Variants in THADA observed in about 807,000 individuals in gnomAD.
THADA encodes tRNA (32-2'-O)-methyltransferase regulator THADA.
THADA carries 213 observed loss-of-function variants against 219.8 expected under a neutral mutation model. The observed-to-expected ratio is 0.97, with a 90% CI of 0.87 to 1.09. THADA has a LOEUF of 1.09. Among genes scored for constraint, THADA ranks in the 50% least tolerant of loss-of-function variants. The pLI, the probability that THADA is intolerant of heterozygous loss-of-function variation, is 0.00. For synonymous variants in THADA, 1,018 were observed against 828.9 expected (o/e 1.23, Z -3.92); for missense variants, 2,956 against 2,311.3 (o/e 1.28, Z -5.72).
intron 28 of THADA, among the ~76,000 whole-genome samples, chr2:43,410,980 C>T (rs1039340894): frequency 6.6e-6 from 1 of 152,186 alleles, no homozygotes; most frequent in African/African-American, 2.4e-5. Context: ...CATCTCAAGT[C>T]TTCTCTTCCT....
rs552746106 is a variant in THADA at position 43,397,557 on chromosome 2, C to T, written c.4227+414G>A. 5.6e-4 allele frequency among the ~76,000 whole-genome samples: 85 copies of T among 152,124 alleles called. 1 individual carries two copies. The highest frequency in any genetic ancestry group is 3.4e-3 in the Middle Eastern group (1 of 294). On this transcript the variant is annotated intron_variant, in intron 29 of 37. Transcript: ENST00000405975. The stretch of plus-strand genomic sequence containing the variant: ...GGTGCTGTGCCACAGGGCAAACTCT[C>T]CCTGATGTGTACAGCTCTTCCTGTG...
chr2:43,567,794 G>A (rs1698857797), intron 14 of THADA, among the ~76,000 whole-genome samples: 1 of 152,314 alleles, frequency 6.6e-6, no homozygotes, highest in African/African-American at 2.4e-5. Flanking sequence ...TACATACATA[G>A]TAATGCTCAG....
intron 21 of THADA, among the ~76,000 whole-genome samples, chr2:43,529,184 G>C (rs1013882582): frequency 6.6e-6 from 1 of 151,698 alleles, no homozygotes; most frequent in Non-Finnish European, 1.5e-5. Flanking sequence ...GTCTGGTCTT[G>C]CTTTATCACC....
At chr2:43,480,326 T>C (rs532269351) in intron 26 of THADA, among the ~76,000 whole-genome samples, 1 of 152,304 alleles carries the variant, frequency 6.6e-6, no homozygotes, top group African/African-American at 2.4e-5. Context: ...CAACTTCTCC[T>C]GTCCTTCTAC....
chr2:43,333,371 G>C (rs1198581771), intron 30 of THADA: 3 of 151,886 alleles, frequency 2.0e-5, no homozygotes, highest in African/African-American at 7.3e-5. Context: ...TGAACAAGCT[G>C]TGCTGGAGGA....
rs576495492 is a variant in THADA, at chr2:43,237,020, C to T, written c.5297-4138G>A. ...CCGGGAGGCGGAGCTTGCAGTGAGC[C>T]GAGATCGCGCCACTGCACACCAGCC... On this transcript the variant is annotated intron_variant, in intron 36 of 37. Transcript: ENST00000405975. Among the ~76,000 whole-genome samples, 102 of 147,450 alleles carry T rather than the reference C, an allele frequency of 6.9e-4. 1 individual carries two copies. Among genetic ancestry groups the T allele is most frequent in the Admixed American group, 6.3e-3 (92 of 14,570 alleles).
In THADA at chr2:43,541,376, A is replaced by G. The variant is rs1212403992; in HGVS notation, c.3107-60T>C. The stretch of plus-strand genomic sequence containing the variant: ...GATTACTCATATCCCAGGTTTCTAA[A>G]AACAAGCTTATTCATAATTTCCCCA... On this transcript the variant is annotated intron_variant, in intron 20 of 37. Coordinates refer to ENST00000405975, the MANE Select transcript of THADA (RefSeq NM_022065.5). 3 of 1,583,598 alleles carry G rather than the reference A, an allele frequency of 1.9e-6. No individual in the cohort carries two copies. The East Asian group carries it at 6.8e-5, about 36-fold the overall frequency.
intron 28 of THADA, among the ~76,000 whole-genome samples, chr2:43,409,366 G>C (rs1171729368): frequency 7.1e-6 from 1 of 141,690 alleles, no homozygotes; most frequent in Non-Finnish European, 1.5e-5. Context: ...TTTTTTTTTT[G>C]GCCTGGAAAA....
At chr2:43,421,986 T>G (rs934352850) in intron 28 of THADA, among the ~76,000 whole-genome samples, 1 of 152,192 alleles carries the variant, frequency 6.6e-6, no homozygotes, top group African/African-American at 2.4e-5. Flanking sequence ...TCACTGAACA[T>G]TCAGAATCCA....
chr2:43,440,810 A>G (rs763287030), intron 26 of THADA, among the ~76,000 whole-genome samples: 6 of 152,218 alleles, frequency 3.9e-5, no homozygotes, highest in Non-Finnish European at 8.8e-5. Flanking sequence ...AAACTGCCTA[A>G]TAGATAACTG....
chr2:43,357,355 G>T (rs1408468119), intron 29 of THADA, among the ~76,000 whole-genome samples: 1 of 152,106 alleles, frequency 6.6e-6, no homozygotes, highest in Admixed American at 6.5e-5. Flanking sequence ...AGTATAAATT[G>T]TCACAACCTT....
chr2:43,574,499 C>G lies in THADA; in HGVS notation c.1566G>C (p.Trp522Cys), dbSNP rs764120566. Residue 522 changes from tryptophan to cysteine, a missense_variant, in exon 11 of 38, where the codon TGG becomes TGC. Coordinates refer to ENST00000405975, the MANE Select transcript of THADA (RefSeq NM_022065.5). ...GGAGAGGAGAAACCCAAGTCTCATG[C>G]CACTGGTCAATCCAAGAACTCTCAG... ...QTAESSWIDQ[W>C]HETWVSPLLF... The G allele has an allele frequency of 1.2e-6, 2 of 1,613,786 alleles. No individual in the cohort carries two copies. The highest frequency in any genetic ancestry group is 1.7e-6 in the Non-Finnish European group (2 of 1,179,878).
intron 8 of THADA, among the ~76,000 whole-genome samples, chr2:43,580,028 T>C (rs1019704365): frequency 9.5e-5 from 14 of 148,104 alleles, no homozygotes; most frequent in Non-Finnish European, 1.8e-4. Flanking sequence ...CTACTTCTTT[T>C]TTTTTTTTTT....
At position 43,535,168 on chromosome 2, in the gene THADA, CTTTT is replaced by C. The variant is rs549879408; in HGVS notation, c.3264+5987_3264+5990del. 1.5e-3 allele frequency among the ~76,000 whole-genome samples: 77 copies of C among 52,522 alleles called. 1 individual carries two copies. Among genetic ancestry groups the C allele is most frequent in the African/African-American group, 5.7e-3 (64 of 11,202 alleles). The allele number at this position is 52,522 out of a possible 152,430, so 34.5% of individuals were successfully genotyped here. A position where few individuals can be genotyped will look rare whatever the true frequency, so the allele number is the denominator to read the frequency against. ...GAAATGTCTGTTCAGATCATTTGTC[CTTTT>C]TTTTTTTTTTTTTTTTTTTTTGCTG... On this transcript the variant is annotated intron_variant, in intron 21 of 37. Coordinates refer to ENST00000405975, the MANE Select transcript of THADA (RefSeq NM_022065.5).
intron 29 of THADA, among the ~76,000 whole-genome samples, chr2:43,367,761 T>C (rs1670330946): frequency 6.6e-6 from 1 of 152,190 alleles, no homozygotes; most frequent in Admixed American, 6.5e-5. Flanking sequence ...TTCCAGTCTC[T>C]CTACTGTTAT....
chr2:43,452,536 A>C (rs977296286), intron 26 of THADA, among the ~76,000 whole-genome samples: 1 of 152,108 alleles, frequency 6.6e-6, no homozygotes, highest in African/African-American at 2.4e-5. Context: ...CTGCTGTGCC[A>C]GGCATCTTCT....
Position 43,320,446 on chromosome 2 carries a change from C to T in THADA, c.4438G>A (p.Val1480Ile). The T allele has an allele frequency of 6.2e-7, 1 of 1,609,312 alleles. No homozygotes were observed. The highest frequency in any genetic ancestry group is 8.5e-7 in the Non-Finnish European group (1 of 1,176,744). The change falls in exon 31 of 38, where the codon GTT becomes ATT. Residue 1480 changes from valine to isoleucine, a missense_variant and splice_region_variant. Coordinates refer to ENST00000405975, the MANE Select transcript of THADA (RefSeq NM_022065.5). ...AATACAGTATAACTATGAATCATAC[C>T]TGGCTGGTTGTCCTTTGCAGATCTG... is the stretch of plus-strand genomic sequence containing the variant. ...LNRSAKDNQP[V>I]LESLGFWEEV...
At position 43,279,868 on chromosome 2, in the gene THADA, C is replaced by T; in HGVS notation, c.5193G>A (p.Lys1731=). 1 of 1,561,040 alleles carries T rather than the reference C, an allele frequency of 6.4e-7. No individual in the cohort carries two copies. The highest frequency in any genetic ancestry group is 1.2e-5 in the South Asian group (1 of 81,610). Residue 1731 remains lysine, a synonymous_variant, in exon 36 of 38, where the codon AAG becomes AAA. Coordinates refer to ENST00000405975, the MANE Select transcript of THADA (RefSeq NM_022065.5). The part of the protein sequence containing the change: ...LELQDTLALW[K]CVLTLLQSEE... ...CACTCTGCAGAAGGGTAAGGACACACTTCCAGAGAGCAAGTGTATCCTGCA... is the reference window on the plus strand; with the variant it reads ...CACTCTGCAGAAGGGTAAGGACACATTTCCAGAGAGCAAGTGTATCCTGCA...
At chr2:43,582,262 C>T (rs1030314489) in intron 7 of THADA, among the ~76,000 whole-genome samples, 3 of 152,064 alleles carry the variant, frequency 2.0e-5, no homozygotes, top group East Asian at 3.9e-4. Flanking sequence ...TTTGGTAGGC[C>T]GAGACAGGTA....
Sources: gnomAD v4.1 joint callset for allele counts (sites outside exome capture counted in the v4.1 genomes callset) on GRCh38, gnomAD v4.1.1 for gene constraint, MANE v1.5 for transcripts, NCBI Gene and HGNC (gene_info 2026-07-23, HGNC 2026-07-21) for gene names.